UBE2K: variants seen among roughly 807,000 people sequenced by gnomAD.
UBE2K encodes ubiquitin-conjugating enzyme E2 K.
UBE2K carries 6 observed loss-of-function variants against 30.0 expected under a neutral mutation model. The observed-to-expected ratio is 0.20, with a 90% CI of 0.11 to 0.39. The LOEUF (loss-of-function observed/expected upper bound fraction) is 0.39. Ranked by LOEUF, UBE2K falls within the 10% of genes least tolerant of loss-of-function variation. The pLI is 1.00. For synonymous variants in UBE2K, 86 were observed against 83.7 expected, an observed-to-expected ratio of 1.03 and a Z score of -0.15; for missense variants, 61 against 241.6, an observed-to-expected ratio of 0.25 and a Z score of 4.96.
At chr4:39,734,040 T>C (rs1352510149) in intron 1 of UBE2K, among the ~76,000 whole-genome samples, 2 of 152,164 alleles carry the variant, frequency 1.3e-5, no homozygotes, top group Admixed American at 6.6e-5. Flanking sequence ...AATTTTTGGC[T>C]TAACTTTGTT....
chr4:39,766,462 G>A (rs1712346049), intron 4 of UBE2K, among the ~76,000 whole-genome samples: 1 of 151,102 alleles, frequency 6.6e-6, no homozygotes, highest in African/African-American at 2.4e-5. Flanking sequence ...ATCCCTTGTC[G>A]ATTTTTTAAC....
chr4:39,710,134 T>G (rs1009474249), intron 1 of UBE2K: 1 of 152,094 alleles, frequency 6.6e-6, no homozygotes, highest in Non-Finnish European at 1.5e-5. Context: ...AAAAAGTCTG[T>G]AACTGGTTAT....
At chr4:39,729,116 G>A (rs926384034) in intron 1 of UBE2K, among the ~76,000 whole-genome samples, 1 of 151,460 alleles carries the variant, frequency 6.6e-6, no homozygotes, top group Non-Finnish European at 1.5e-5. Flanking sequence ...TTACAGGCAC[G>A]CACCACCATG....
chr4:39,726,460 ATCC>A (rs1560351288), intron 1 of UBE2K, among the ~76,000 whole-genome samples: 1 of 150,598 alleles, frequency 6.6e-6, no homozygotes, highest in Non-Finnish European at 1.5e-5. Flanking sequence ...GGCTTAAACA[ATCC>A]TCCTGCCTCA....
chr4:39,764,744 A>T (rs935982950), intron 4 of UBE2K, among the ~76,000 whole-genome samples: 1 of 151,470 alleles, frequency 6.6e-6, no homozygotes, highest in Admixed American at 6.6e-5. Flanking sequence ...TTTTTCTTTA[A>T]CCTCCTCTTC....
At chr4:39,714,550 A>ATATATATATATATATATATATATTTT in intron 1 of UBE2K, 1 of 17,844 alleles carries the variant, frequency 5.6e-5, no homozygotes, top group Non-Finnish European at 8.7e-5. Flanking sequence ...ATATATATAT[A>ATATATATATATATATATATATATTTT]TTTTTTTTTT....
At chr4:39,746,572 T>TTCTTTCC (rs1721000542) in intron 3 of UBE2K, among the ~76,000 whole-genome samples, 1 of 152,178 alleles carries the variant, frequency 6.6e-6, no homozygotes. Flanking sequence ...CTGAATAAAG[T>TTCTTTCC]CTAAACTCCA....
chr4:39,762,936 C>CCTTTTTT (rs1712053091), intron 4 of UBE2K, among the ~76,000 whole-genome samples: 1 of 78,652 alleles, frequency 1.3e-5, no homozygotes, highest in Non-Finnish European at 2.3e-5. Context: ...CCAAAAAACA[C>CCTTTTTT]TTTTTTTTTT....
intron 5 of UBE2K, among the ~76,000 whole-genome samples, chr4:39,776,352 T>C (rs1160271526): frequency 6.6e-6 from 1 of 152,202 alleles, no homozygotes; most frequent in Admixed American, 6.6e-5. Flanking sequence ...ATAGATCTCC[T>C]TTTCTCAACC....
Position 39,698,218 on chromosome 4 carries a change from C to T in UBE2K, c.-110C>T. ...GGGTGGTAGTGGCAGTGTTCGTGTG[C>T]TCAGGTCTGAATCGCCGAGGGAGGA... On this transcript the variant is annotated 5_prime_UTR_variant, in exon 1 of 7. Transcript: ENST00000261427. 1 of 1,062,954 alleles carries T rather than the reference C, an allele frequency of 9.4e-7. No individual in the cohort carries two copies. Among genetic ancestry groups the T allele is most frequent in the Non-Finnish European group, 1.4e-6 (1 of 701,886 alleles). The allele number at this position is 1,062,954 out of a possible 1,614,324, so 65.8% of individuals were successfully genotyped here.
intron 1 of UBE2K, among the ~76,000 whole-genome samples, chr4:39,719,149 C>A (rs1719282949): frequency 6.6e-6 from 1 of 152,256 alleles, no homozygotes; most frequent in Admixed American, 6.5e-5. Context: ...GACTTTCAGT[C>A]TCCCTCAAAC....
intron 2 of UBE2K, 34 bp from the exon 3 acceptor site, chr4:39,745,718 A>G: frequency 7.0e-7 from 1 of 1,418,666 alleles, no homozygotes; most frequent in Non-Finnish European, 9.9e-7. Context: ...TGAATTGAGC[A>G]GCATTCTTAA....
At chr4:39,729,151 A>G (rs1225258756) in intron 1 of UBE2K, among the ~76,000 whole-genome samples, 1 of 151,544 alleles carries the variant, frequency 6.6e-6, no homozygotes, top group Non-Finnish European at 1.5e-5. Flanking sequence ...TTGTATTTTT[A>G]GTAGAGGCGG....
chr4:39,778,404 G>A lies in UBE2K; in HGVS notation c.573G>A (p.Glu191=). The change falls in exon 7 of 7, where the codon GAG becomes GAA. Residue 191 remains glutamate, a synonymous_variant. Transcript: ENST00000261427. ...TGTCTTCAAAATCATGGGATGTAGAGACTGCAACAGAATTGCTTCTGAGTA... is the reference window on the plus strand; with the variant it reads ...TGTCTTCAAAATCATGGGATGTAGAAACTGCAACAGAATTGCTTCTGAGTA... ...VALSSKSWDV[E]TATELLLSN 2 of 1,613,334 alleles carry A rather than the reference G, an allele frequency of 1.2e-6. No homozygotes were observed. The highest frequency in any genetic ancestry group is 1.7e-6 in the Non-Finnish European group (2 of 1,179,616).
chr4:39,770,739 A>G (rs557004032), intron 4 of UBE2K: 8 of 1,584,236 alleles, frequency 5.0e-6, no homozygotes, highest in African/African-American at 2.7e-5. Flanking sequence ...GGAGCCTCCA[A>G]TGCCCAGGCC....
intron 1 of UBE2K, among the ~76,000 whole-genome samples, chr4:39,716,298 T>G (rs1578427804): frequency 6.6e-6 from 1 of 151,918 alleles, no homozygotes; most frequent in African/African-American, 2.4e-5. Context: ...CAGGCTGGGG[T>G]GCCGTGTTGT....
intron 1 of UBE2K, among the ~76,000 whole-genome samples, chr4:39,726,462 C>G (rs578076759): frequency 6.6e-6 from 1 of 151,754 alleles, no homozygotes; most frequent in Admixed American, 6.6e-5. Context: ...CTTAAACAAT[C>G]CTCCTGCCTC....
rs150172088 is a variant in UBE2K, at chr4:39,733,578, C to T, written c.64-3842C>T. Among the ~76,000 whole-genome samples the T allele has an allele frequency of 3.8e-3, 581 of 152,196 alleles. 2 individuals are homozygous for T. The highest frequency in any genetic ancestry group is 6.2e-3 in the Non-Finnish European group (421 of 68,008). ...AAACTCCTGACCTCAAATGATCCAC[C>T]CGCCTTGGCCTCCCAAAGTGTTGGG... On this transcript the variant is annotated intron_variant, in intron 1 of 6. Transcript: ENST00000261427.
intron 4 of UBE2K, among the ~76,000 whole-genome samples, chr4:39,758,066 A>C (rs1426755801): frequency 6.6e-6 from 1 of 152,166 alleles, no homozygotes; most frequent in African/African-American, 2.4e-5. Flanking sequence ...TAACGAACAT[A>C]TCAAACATAA....
Sources: gnomAD v4.1 joint callset for allele counts (sites outside exome capture counted in the v4.1 genomes callset) on GRCh38, gnomAD v4.1.1 for gene constraint, MANE v1.5 for transcripts, NCBI Gene and HGNC (gene_info 2026-07-23, HGNC 2026-07-21) for gene names.